The following ATP8A2 variants were observed in gnomAD, a reference collection of about 807,000 sequenced individuals.
ATP8A2 encodes the protein ATPase phospholipid transporting 8A2, also known as phospholipid-transporting ATPase IB.
A neutral mutation model predicts 165.6 loss-of-function variants in ATP8A2; 100 were observed. The ratio of observed to expected loss-of-function variants is 0.60; its 90% confidence interval spans 0.51 to 0.71. The LOEUF (loss-of-function observed/expected upper bound fraction) is 0.71. Among genes scored for constraint, ATP8A2 ranks in the 30% least tolerant of loss-of-function variants. ATP8A2 has a pLI of 0.00. For missense variants in ATP8A2, 1,227 were observed against 1,479.5 expected (o/e 0.83, Z 2.80); for synonymous variants, 543 against 548.8 (o/e 0.99, Z 0.15).
At chr13:25,506,964 T>TATATATA (rs2037062012) in intron 2 of ATP8A2, among the ~76,000 whole-genome samples, 1 of 146,988 alleles carries the variant, frequency 6.8e-6, no homozygotes, top group African/African-American at 2.5e-5. Flanking sequence ...TATATATATC[T>TATATATA]TATTTTACAT....
chr13:25,604,114 C>A (rs1004355757), intron 24 of ATP8A2, among the ~76,000 whole-genome samples: 1 of 151,754 alleles, frequency 6.6e-6, no homozygotes, highest in Admixed American at 6.6e-5. Flanking sequence ...AAAATATGGC[C>A]ATTGAGGTAA....
chr13:25,857,489 C>T lies in ATP8A2; in HGVS notation c.2957-2706C>T, dbSNP rs115360363. ...TCCGGAGCTCAAGCAATCCTCCCAC[C>T]GCAAGCCTCCCAAGTAGCTGGGACC... is the stretch of plus-strand genomic sequence containing the variant. On this transcript the variant is annotated intron_variant, in intron 30 of 36. Coordinates refer to ENST00000381655, the MANE Select transcript of ATP8A2 (RefSeq NM_016529.6). Among the ~76,000 whole-genome samples, 1,027 of 151,902 alleles carry T rather than the reference C, an allele frequency of 6.8e-3. 14 individuals are homozygous for T. The highest frequency in any genetic ancestry group is 0.023 in the African/African-American group (969 of 41,422).
chr13:25,818,366 A>G (rs2138554523), intron 27 of ATP8A2, among the ~76,000 whole-genome samples: 1 of 152,340 alleles, frequency 6.6e-6, no homozygotes, highest in Admixed American at 6.5e-5. Context: ...CAGTAATATA[A>G]TAAGTTAGTA....
chr13:25,574,599 T>C (rs754624919), intron 18 of ATP8A2, among the ~76,000 whole-genome samples: 2 of 152,176 alleles, frequency 1.3e-5, no homozygotes, highest in African/African-American at 4.8e-5. Context: ...ACTCCCCAAC[T>C]GTTAGCACTG....
Position 26,012,584 on chromosome 13 carries a change from C to A in ATP8A2, c.3431C>A (p.Thr1144Lys), listed in dbSNP as rs111313336. ...AGGCTGGGCCGGAAGACGCCCCCGA[C>A]GCTGTTCCGGGGCAGCTCCCTGCAG... ...IKRLGRKTPP[T>K]LFRGSSLQQG... The change falls in exon 36 of 37, where the codon ACG (threonine) becomes AAG (lysine). Residue 1144 changes from threonine (T) to lysine (K), a missense_variant. By Grantham distance (78) the Thr-to-Lys change is moderately conservative. Coordinates refer to ENST00000381655, the MANE Select transcript of ATP8A2 (RefSeq NM_016529.6). 2 of 1,528,148 alleles carry A rather than the reference C, an allele frequency of 1.3e-6. No homozygotes were observed. Among genetic ancestry groups the A allele is most frequent in the Non-Finnish European group, 1.8e-6 (2 of 1,137,836 alleles). 94.7% of individuals were successfully genotyped at this position (1,528,148 alleles called of 1,614,324 possible). A position where few individuals can be genotyped will look rare whatever the true frequency, so the allele number is the denominator to read the frequency against.
chr13:25,936,316 A>G (rs1178311365), intron 33 of ATP8A2, among the ~76,000 whole-genome samples: 1 of 152,176 alleles, frequency 6.6e-6, no homozygotes, highest in Non-Finnish European at 1.5e-5. Flanking sequence ...TGGACACAGA[A>G]CAGATGTTGG....
At chr13:25,468,845 G>T in intron 1 of ATP8A2, 132 bp from the exon 2 acceptor site, 10 of 1,418,280 alleles carry the variant, frequency 7.1e-6, no homozygotes, top group Non-Finnish European at 9.2e-6. Context: ...GCCAAGGTAC[G>T]TAGGCGGCGT....
intron 33 of ATP8A2, among the ~76,000 whole-genome samples, chr13:25,907,610 A>G (rs1470553779): frequency 6.6e-6 from 1 of 152,214 alleles, no homozygotes; most frequent in East Asian, 1.9e-4. Flanking sequence ...GGGTCCTTTC[A>G]ACTGTAAAAC....
At chr13:25,694,986 T>A (rs1484384016) in intron 24 of ATP8A2, among the ~76,000 whole-genome samples, 1 of 152,202 alleles carries the variant, frequency 6.6e-6, no homozygotes, top group African/African-American at 2.4e-5. Flanking sequence ...GCTTCTTTGT[T>A]TTTAATAAAA....
At chr13:25,959,739 G>A (rs1340124058) in intron 33 of ATP8A2, among the ~76,000 whole-genome samples, 3 of 152,180 alleles carry the variant, frequency 2.0e-5, no homozygotes, top group Admixed American at 6.5e-5. Flanking sequence ...ATGGAAATCC[G>A]TTGTATGTAA....
chr13:25,741,348 A>G (rs1438607872), intron 25 of ATP8A2, among the ~76,000 whole-genome samples: 1 of 152,134 alleles, frequency 6.6e-6, no homozygotes, highest in Non-Finnish European at 1.5e-5. Context: ...TCCCTAAAAT[A>G]GCTGAAACAT....
At chr13:25,673,101 C>T (rs988571551) in intron 24 of ATP8A2, among the ~76,000 whole-genome samples, 2 of 152,150 alleles carry the variant, frequency 1.3e-5, no homozygotes, top group African/African-American at 4.8e-5. Flanking sequence ...AATCACAGGA[C>T]TCCCAGGCTA....
chr13:25,439,177 G>A (rs1405865275), intron 1 of ATP8A2, among the ~76,000 whole-genome samples: 1 of 152,198 alleles, frequency 6.6e-6, no homozygotes, highest in Non-Finnish European at 1.5e-5. Context: ...CCTGGGGTGT[G>A]CCACAGGACC....
intron 35 of ATP8A2, among the ~76,000 whole-genome samples, chr13:25,974,897 C>G (rs1003155677): frequency 2.0e-5 from 3 of 152,138 alleles, no homozygotes; most frequent in African/African-American, 7.2e-5. Context: ...CTGAAGACAT[C>G]CTTTGTGAAG....
intron 24 of ATP8A2, among the ~76,000 whole-genome samples, chr13:25,672,795 C>T (rs982836025): frequency 4.6e-5 from 7 of 152,082 alleles, no homozygotes; most frequent in African/African-American, 1.2e-4. Context: ...AATCTAATTT[C>T]CCTTGCATGT....
intron 24 of ATP8A2, among the ~76,000 whole-genome samples, chr13:25,670,517 G>T (rs1004682777): frequency 1.3e-5 from 2 of 152,114 alleles, no homozygotes; most frequent in African/African-American, 4.8e-5. Flanking sequence ...CTAAAAAAAT[G>T]ATTATTTCAG....
intron 9 of ATP8A2, among the ~76,000 whole-genome samples, chr13:25,543,084 T>TA (rs1368811670): frequency 6.6e-6 from 1 of 152,166 alleles, no homozygotes; most frequent in African/African-American, 2.4e-5. Flanking sequence ...TTTTTTTCTG[T>TA]AGTGATGAAT....
intron 24 of ATP8A2, among the ~76,000 whole-genome samples, chr13:25,607,246 G>T (rs1310803723): frequency 6.6e-6 from 1 of 152,164 alleles, no homozygotes; most frequent in African/African-American, 2.4e-5. Flanking sequence ...AACAGTTGGG[G>T]ACTGCTGCCC....
chr13:25,720,167 C>CTTTTTTTTTTTTCTTTTTTTTT (rs2043344597), intron 25 of ATP8A2, among the ~76,000 whole-genome samples: 1 of 117,288 alleles, frequency 8.5e-6, no homozygotes, highest in African/African-American at 3.8e-5. Flanking sequence ...TATACTTTTT[C>CTTTTTTTTTTTTCTTTTTTTTT]TTTTTTTTTT....
Sources: allele counts gnomAD v4.1 joint callset (sites outside exome capture counted in the v4.1 genomes callset), GRCh38; gene constraint gnomAD v4.1.1; transcripts MANE v1.5; gene names NCBI Gene and HGNC (gene_info 2026-07-23, HGNC 2026-07-21).